SUCLA2: variants seen among roughly 807,000 people sequenced by gnomAD.
SUCLA2 encodes the protein succinate-CoA ligase ADP-forming subunit beta.
Under a neutral mutation model 54.8 loss-of-function variants are expected in SUCLA2, and 30 were observed. That is an observed-to-expected ratio of 0.55 (90% CI 0.41 to 0.74). The LOEUF is 0.74. Among genes scored for constraint, SUCLA2 ranks in the 30% least tolerant of loss-of-function variants. The pLI is 0.00. For synonymous variants in SUCLA2, 172 were observed against 188.9 expected (o/e 0.91, Z 0.74); for missense variants, 476 against 562.9 (o/e 0.85, Z 1.56).
chr13:47,995,105 C>T (rs554906105), intron 2 of SUCLA2, among the ~76,000 whole-genome samples: 108 of 152,260 alleles, frequency 7.1e-4, no homozygotes, highest in Non-Finnish European at 1.3e-3. Context: ...CCTGTAGTTC[C>T]AGCTACTCAG....
intron 6 of SUCLA2, among the ~76,000 whole-genome samples, chr13:47,958,036 G>C (rs2137699502): frequency 6.6e-6 from 1 of 152,300 alleles, no homozygotes; most frequent in South Asian, 2.1e-4. Flanking sequence ...TCTGGGGTTT[G>C]CTGCTGAATG....
chr13:47,995,745 T>C (rs796455370), intron 2 of SUCLA2, among the ~76,000 whole-genome samples: 33 of 152,324 alleles, frequency 2.2e-4, no homozygotes, highest in African/African-American at 7.7e-4. Flanking sequence ...TTTAAAATAC[T>C]GCTAAAAAGA....
intron 1 of SUCLA2, chr13:48,000,947 G>T: frequency 1.4e-6 from 2 of 1,399,918 alleles, no homozygotes; most frequent in Non-Finnish European, 1.9e-6. Context: ...GAGCAGCCAC[G>T]GCCGGGCCGC....
In SUCLA2 at chr13:47,990,607, TCAGGGCTAAAGGTCTCA is replaced by T. The variant is rs1566092290; in HGVS notation, c.272-1643_272-1627del. ...CATTATGGCAAAATAACCTTTGAGA[TCAGGGCTAAAGGTCTCA>T]CTGTATTCATTATATCCCAAGCACA... On this transcript the variant is annotated intron_variant, in intron 2 of 10. Transcript: ENST00000646932. Among the ~76,000 whole-genome samples the T allele has an allele frequency of 2.0e-5, 3 of 152,094 alleles. No homozygotes were observed. The South Asian group carries it at 6.2e-4, about 32-fold the overall frequency.
At chr13:48,000,865 G>A in intron 1 of SUCLA2, 1 of 1,190,150 alleles carries the variant, frequency 8.4e-7, no homozygotes. Context: ...CGGAATGGCA[G>A]CAGAAAATGT....
intron 9 of SUCLA2, among the ~76,000 whole-genome samples, 178 bp downstream of exon 9, chr13:47,949,305 A>C (rs1375277084): frequency 6.6e-6 from 1 of 152,200 alleles, no homozygotes; most frequent in Non-Finnish European, 1.5e-5. Context: ...TACCAAGCAA[A>C]AGTATAAACA....
intron 8 of SUCLA2, among the ~76,000 whole-genome samples, chr13:47,952,288 T>G (rs1318900403): frequency 6.6e-6 from 1 of 152,142 alleles, no homozygotes; most frequent in Non-Finnish European, 1.5e-5. Flanking sequence ...TCATTTGGGT[T>G]TTCCTTCTCT....
rs1300486540 is a variant in SUCLA2 at position 47,943,766 on chromosome 13, G to GTGTATATATATATATA, written c.1318-322_1318-321insTATATATATATATACA. On this transcript the variant is annotated intron_variant, in intron 10 of 10. Coordinates refer to ENST00000646932, the MANE Select transcript of SUCLA2 (RefSeq NM_003850.3). ...TGTATGTGTGTGTGTGTGTGTGTGTGTATATATATATATATTATTCTAAAT... is the reference window on the plus strand; with the variant it reads ...TGTATGTGTGTGTGTGTGTGTGTGTGTGTATATATATATATATATATATATATATATTATTCTAAAT... Among the ~76,000 whole-genome samples the GTGTATATATATATATA allele has an allele frequency of 3.8e-3, 525 of 139,630 alleles. 2 individuals are homozygous for GTGTATATATATATATA. The highest frequency in any genetic ancestry group is 0.011 in the Middle Eastern group (3 of 262). The allele number at this position is 139,630 out of a possible 152,430, so 91.6% of individuals were successfully genotyped here. A position where few individuals can be genotyped will look rare whatever the true frequency, so the allele number is the denominator to read the frequency against.
intron 1 of SUCLA2, 105 bp from the exon 2 acceptor site, chr13:47,997,128 C>CA: frequency 8.4e-7 from 1 of 1,189,138 alleles, no homozygotes; most frequent in Non-Finnish European, 1.2e-6. Context: ...ATTACATTAG[C>CA]AAAGTACAAT....
intron 10 of SUCLA2, 143 bp downstream of exon 10, chr13:47,948,795 AAG>A (rs1469131409): frequency 5.0e-6 from 4 of 807,108 alleles, no homozygotes; most frequent in Non-Finnish European, 6.4e-6. Flanking sequence ...ATCTTTCAGC[AAG>A]AGTCATGAAT....
intron 4 of SUCLA2, among the ~76,000 whole-genome samples, chr13:47,987,245 T>G (rs1347719505): frequency 6.6e-6 from 1 of 152,196 alleles, no homozygotes; most frequent in Non-Finnish European, 1.5e-5. Context: ...ATCCTACCTT[T>G]ACTACAATAA....
At chr13:47,977,137 CAGAA>C (rs756412875) in intron 4 of SUCLA2, among the ~76,000 whole-genome samples, 12 of 152,058 alleles carry the variant, frequency 7.9e-5, no homozygotes, top group East Asian at 7.7e-4. Context: ...ACAGCTGTCA[CAGAA>C]AGAGTCTGAG....
Position 47,943,181 on chromosome 13 carries a change from A to G in SUCLA2, c.*190T>C. On this transcript the variant is annotated 3_prime_UTR_variant, in exon 11 of 11. Coordinates refer to ENST00000646932, the MANE Select transcript of SUCLA2 (RefSeq NM_003850.3). ...AAGAAAGAAGATAACTGCATTATAC[A>G]TGCTTCGTACAAACAGTCCATTCTG... 15 of 633,376 alleles carry G rather than the reference A, an allele frequency of 2.4e-5. No homozygotes were observed. Among genetic ancestry groups the G allele is most frequent in the South Asian group, 2.0e-4 (11 of 54,876 alleles). The allele number at this position is 633,376 out of a possible 1,614,324, so 39.2% of individuals were successfully genotyped here.
intron 5 of SUCLA2, among the ~76,000 whole-genome samples, chr13:47,968,944 G>C (rs1387298122): frequency 3.9e-5 from 6 of 152,158 alleles, no homozygotes; most frequent in Admixed American, 6.5e-5. Flanking sequence ...CCATTTTATA[G>C]ATAAGAAAGA....
chr13:47,995,578 C>T (rs1445667670), intron 2 of SUCLA2, among the ~76,000 whole-genome samples: 1 of 152,024 alleles, frequency 6.6e-6, no homozygotes, highest in African/African-American at 2.4e-5. Flanking sequence ...AAGTACTACA[C>T]AAGATGAATA....
Position 47,960,935 on chromosome 13 carries a change from C to T in SUCLA2, c.803-6378G>A, listed in dbSNP as rs532197816. On this transcript the variant is annotated intron_variant, in intron 6 of 10. Coordinates refer to ENST00000646932, the MANE Select transcript of SUCLA2 (RefSeq NM_003850.3). ...GGTAGCCATGTAAGACTGTAAAGGC[C>T]GATTTTGAGGGATAAGATCAGAGTT... is the stretch of plus-strand genomic sequence containing the variant. 1.2e-4 allele frequency among the ~76,000 whole-genome samples: 19 copies of T among 152,070 alleles called. No homozygotes were observed. The East Asian group carries it at 2.3e-3, about 19-fold the overall frequency.
At chr13:47,996,711 C>T (rs1419519548) in intron 2 of SUCLA2, 132 bp downstream of exon 2, 1 of 721,380 alleles carries the variant, frequency 1.4e-6, no homozygotes, top group African/African-American at 1.8e-5. Flanking sequence ...TAAAGTTCTA[C>T]CTTCTATTTT....
intron 1 of SUCLA2, among the ~76,000 whole-genome samples, chr13:47,998,400 A>G (rs1348134044): frequency 6.6e-6 from 1 of 152,166 alleles, no homozygotes; most frequent in Non-Finnish European, 1.5e-5. Context: ...GTATGTATCA[A>G]TAGAAATTAG....
chr13:47,997,642 C>T (rs1275995116), intron 1 of SUCLA2, among the ~76,000 whole-genome samples: 1 of 152,196 alleles, frequency 6.6e-6, no homozygotes, highest in Non-Finnish European at 1.5e-5. Context: ...CAAAGTCACA[C>T]CTCCTTCCCA....
Sources: allele counts gnomAD v4.1 joint callset (sites outside exome capture counted in the v4.1 genomes callset), GRCh38; gene constraint gnomAD v4.1.1; transcripts MANE v1.5; gene names NCBI Gene and HGNC (gene_info 2026-07-23, HGNC 2026-07-21).